DGKG: variants seen among roughly 807,000 people sequenced by gnomAD.
DGKG encodes the protein diacylglycerol kinase gamma, also known as DAG kinase gamma.
In DGKG, 78 loss-of-function variants were observed where a neutral mutation model predicts 105.3. That is an observed-to-expected ratio of 0.74 (90% CI 0.62 to 0.89). DGKG has a LOEUF of 0.89. DGKG is among the 40% of genes least tolerant of loss of function. DGKG has a pLI of 0.00. For missense variants in DGKG, 958 were observed against 1,020.1 expected, an observed-to-expected ratio of 0.94 and a Z score of 0.83; for synonymous variants, 346 against 367.1, an observed-to-expected ratio of 0.94 and a Z score of 0.66.
At chr3:186,303,166 C>G (rs1056105602) in intron 3 of DGKG, among the ~76,000 whole-genome samples, 1 of 152,198 alleles carries the variant, frequency 6.6e-6, no homozygotes, top group Non-Finnish European at 1.5e-5. Context: ...GTGCCACACT[C>G]TCAAGGTGAT....
At chr3:186,248,500 G>T (rs1349589503) in intron 19 of DGKG, among the ~76,000 whole-genome samples, 1 of 152,174 alleles carries the variant, frequency 6.6e-6, no homozygotes, top group Admixed American at 6.5e-5. Flanking sequence ...TTCACTCCCT[G>T]AGAACTTGGT....
intron 10 of DGKG, 61 bp from the exon 11 acceptor site, chr3:186,272,404 G>T: frequency 8.1e-7 from 1 of 1,241,204 alleles, no homozygotes; most frequent in South Asian, 1.2e-5. Flanking sequence ...AGGCCCAGCT[G>T]CCCTCCCACC....
At chr3:186,256,270 C>G (rs9876546) in intron 17 of DGKG, among the ~76,000 whole-genome samples, 34,318 of 152,032 alleles carry the variant, frequency 0.23, 5,854 homozygotes, top group African/African-American at 0.48. Context: ...GGTCCTGCAG[C>G]CTTCTCGCCC....
chr3:186,296,312 G>C (rs758300960), intron 5 of DGKG, among the ~76,000 whole-genome samples: 1 of 152,186 alleles, frequency 6.6e-6, no homozygotes, highest in Non-Finnish European at 1.5e-5. Context: ...ACATGCCCAC[G>C]GTTACAGAGC....
chr3:186,259,705 C>G (rs561166090), intron 16 of DGKG, among the ~76,000 whole-genome samples: 1 of 151,932 alleles, frequency 6.6e-6, no homozygotes, highest in African/African-American at 2.4e-5. Context: ...CCGGGGCCGG[C>G]CAGTAGAGGG....
At chr3:186,256,588 A>G (rs1478185704) in intron 17 of DGKG, among the ~76,000 whole-genome samples, 1 of 152,042 alleles carries the variant, frequency 6.6e-6, no homozygotes, top group Non-Finnish European at 1.5e-5. Flanking sequence ...AAAACCATCC[A>G]ATGTCATGGG....
At chr3:186,355,693 T>TCACCAG (rs1726918473) in intron 1 of DGKG, among the ~76,000 whole-genome samples, 1 of 150,888 alleles carries the variant, frequency 6.6e-6, no homozygotes, top group Middle Eastern at 3.3e-3. Flanking sequence ...TACCCCATTA[T>TCACCAG]CACCATCACC....
At chr3:186,236,263 A>G (rs542676253) in intron 20 of DGKG, among the ~76,000 whole-genome samples, 2 of 152,344 alleles carry the variant, frequency 1.3e-5, no homozygotes, top group South Asian at 2.1e-4. Context: ...GGCCATGTCA[A>G]TGGAGCATTG....
At chr3:186,190,902 C>T (rs1717874534) in intron 21 of DGKG, among the ~76,000 whole-genome samples, 1 of 152,172 alleles carries the variant, frequency 6.6e-6, no homozygotes, top group African/African-American at 2.4e-5. Flanking sequence ...GCGTTAACAT[C>T]CTTTGGGGTA....
chr3:186,309,755 C>G (rs1042348685), intron 2 of DGKG, among the ~76,000 whole-genome samples: 7 of 152,132 alleles, frequency 4.6e-5, no homozygotes, highest in Non-Finnish European at 1.0e-4. Flanking sequence ...ATGTTCTCAT[C>G]TCATTTTGGA....
At chr3:186,288,901 ACAT>A in intron 5 of DGKG, 21 bp from the exon 6 acceptor site, 1 of 1,519,474 alleles carries the variant, frequency 6.6e-7, no homozygotes. Context: ...CAAAAGGAAA[ACAT>A]CCAAGGACAT....
intron 24 of DGKG, chr3:186,160,232 G>A: frequency 2.0e-6 from 2 of 985,420 alleles, no homozygotes; most frequent in Non-Finnish European, 2.4e-6. Context: ...ATAGGGAGAA[G>A]CATTTGGCTA....
intron 12 of DGKG, among the ~76,000 whole-genome samples, 158 bp from the exon 13 acceptor site, chr3:186,267,935 CGT>C (rs576440368): frequency 6.6e-6 from 1 of 151,574 alleles, no homozygotes; most frequent in East Asian, 1.9e-4. Flanking sequence ...TGTGTGTGCA[CGT>C]GTGTGTGTGT....
intron 18 of DGKG, 42 bp from the exon 19 acceptor site, chr3:186,251,961 C>A: frequency 6.6e-7 from 1 of 1,511,808 alleles, no homozygotes; most frequent in Non-Finnish European, 8.9e-7. Flanking sequence ...AGCAGAAAGG[C>A]TGTATTCTTG....
intron 22 of DGKG, among the ~76,000 whole-genome samples, chr3:186,175,909 AC>A (rs1717056095): frequency 6.6e-6 from 1 of 152,184 alleles, no homozygotes; most frequent in Admixed American, 6.5e-5. Flanking sequence ...CAACTTAACA[AC>A]AACAACAAAC....
intron 12 of DGKG, among the ~76,000 whole-genome samples, chr3:186,268,516 C>T (rs1012380226): frequency 2.6e-5 from 4 of 152,210 alleles, no homozygotes; most frequent in South Asian, 2.1e-4. Context: ...AGTTCATAGT[C>T]GGGGCTGCTG....
rs918144722 is a variant in DGKG, at chr3:186,272,305, T to G, written c.949A>C (p.Asn317His). The G allele has an allele frequency of 1.2e-6, 2 of 1,614,024 alleles. No individual in the cohort carries two copies. The highest frequency in any genetic ancestry group is 3.3e-5 in the Admixed American group (2 of 60,024). ...TACGTTTTGACACAACCAGGAATGT[T>G]TCTGGACACACAGCGTTCGTGGACA... The part of the protein sequence containing the change: ...YTVHERCVSR[N>H]IPGCVKTYSK... The change falls in exon 11 of 25, where the codon AAC becomes CAC. Residue 317 changes from asparagine (N) to histidine (H), a missense_variant. By Grantham distance (68) the Asn-to-His change is moderately conservative. This residue lies in a region of DGKG where 643 missense variants were observed against 619.5 expected (regional missense o/e 1.04). Coordinates refer to ENST00000265022, the MANE Select transcript of DGKG (RefSeq NM_001346.3).
chr3:186,332,541 C>T (rs1344827475), intron 1 of DGKG, among the ~76,000 whole-genome samples: 2 of 152,112 alleles, frequency 1.3e-5, no homozygotes, highest in African/African-American at 4.8e-5. Context: ...GTCAGGGAGA[C>T]TTCTGCCCAG....
intron 22 of DGKG, among the ~76,000 whole-genome samples, chr3:186,169,765 G>C (rs1424823497): frequency 6.6e-6 from 1 of 152,196 alleles, no homozygotes; most frequent in Non-Finnish European, 1.5e-5. Flanking sequence ...TGACTTAGAT[G>C]CTCCTCCTCA....
Sources: gnomAD v4.1 joint callset for allele counts (sites outside exome capture counted in the v4.1 genomes callset) on GRCh38, gnomAD v4.1.1 for gene constraint, gnomAD v4.1.1 regional missense constraint, MANE v1.5 for transcripts, NCBI Gene and HGNC (gene_info 2026-07-23, HGNC 2026-07-21) for gene names.